SMYD3: variants seen among roughly 807,000 people sequenced by gnomAD.
The protein encoded by SMYD3 is SET and MYND domain containing 3.
A neutral mutation model predicts 57.7 loss-of-function variants in SMYD3; 36 were observed. The observed-to-expected ratio is 0.62, with a 90% CI of 0.48 to 0.82. The LOEUF (loss-of-function observed/expected upper bound fraction) is 0.82, where lower values mean the gene tolerates loss of function less well. Ranked by LOEUF, SMYD3 falls within the 40% of genes least tolerant of loss-of-function variation. The pLI, the probability that SMYD3 is intolerant of heterozygous loss-of-function variation, is 0.00. For synonymous variants in SMYD3, 211 were observed against 195.0 expected (o/e 1.08, Z -0.68); for missense variants, 515 against 538.8 (o/e 0.96, Z 0.44).
intron 1 of SMYD3, among the ~76,000 whole-genome samples, chr1:246,391,438 GAGA>G (rs2066570210): frequency 5.4e-5 from 8 of 148,616 alleles, no homozygotes; most frequent in Non-Finnish European, 1.0e-4. Flanking sequence ...GAGAGAGAGA[GAGA>G]AGGAGAGAGG....
chr1:245,950,634 T>A (rs74590252), intron 5 of SMYD3, among the ~76,000 whole-genome samples: 2 of 152,228 alleles, frequency 1.3e-5, no homozygotes, highest in African/African-American at 4.8e-5. Context: ...TCGGTCGTCA[T>A]AGAATATGCT....
chr1:246,474,538 A>G (rs1022195504), intron 1 of SMYD3, among the ~76,000 whole-genome samples: 58 of 151,748 alleles, frequency 3.8e-4, no homozygotes, highest in African/African-American at 1.1e-3. Flanking sequence ...AAAAAAAAAA[A>G]AAAGAAATGC....
chr1:246,271,248 T>C (rs1208243084), intron 5 of SMYD3, among the ~76,000 whole-genome samples: 2 of 152,216 alleles, frequency 1.3e-5, no homozygotes, highest in African/African-American at 2.4e-5. Flanking sequence ...ATACTCTGGG[T>C]TACCTTTTAA....
At chr1:246,367,334 T>G (rs2066122393) in intron 1 of SMYD3, among the ~76,000 whole-genome samples, 1 of 152,216 alleles carries the variant, frequency 6.6e-6, no homozygotes, top group Non-Finnish European at 1.5e-5. Flanking sequence ...AACTCCAAAA[T>G]TATTTGGTTT....
At chr1:245,847,611 G>A (rs2050731113) in intron 10 of SMYD3, among the ~76,000 whole-genome samples, 1 of 152,102 alleles carries the variant, frequency 6.6e-6, no homozygotes, top group Admixed American at 6.6e-5. Context: ...TCTTCCACGA[G>A]GTGAGAAAAA....
chr1:246,045,542 C>T (rs7532934), intron 5 of SMYD3, among the ~76,000 whole-genome samples: 71,228 of 151,552 alleles, frequency 0.47, 18,349 homozygotes, highest in East Asian at 0.8. Context: ...GAAGAAAACC[C>T]AGGCAATACC....
intron 8 of SMYD3, among the ~76,000 whole-genome samples, chr1:245,870,347 C>T (rs1459795740): frequency 6.6e-6 from 1 of 152,134 alleles, no homozygotes; most frequent in Non-Finnish European, 1.5e-5. Flanking sequence ...TGACACCCTC[C>T]CCCAGCACAG....
At chr1:246,284,238 T>C (rs2064509733) in intron 5 of SMYD3, among the ~76,000 whole-genome samples, 1 of 152,166 alleles carries the variant, frequency 6.6e-6, no homozygotes, top group African/African-American at 2.4e-5. Flanking sequence ...ATCTAGCATC[T>C]GGTAATGTGT....
chr1:246,469,982 A>G (rs1227209925), intron 1 of SMYD3, among the ~76,000 whole-genome samples: 1 of 152,218 alleles, frequency 6.6e-6, no homozygotes, highest in Non-Finnish European at 1.5e-5. Context: ...TCACACATAC[A>G]CTACATAAAT....
intron 5 of SMYD3, among the ~76,000 whole-genome samples, chr1:245,991,018 T>C (rs2058803000): frequency 6.6e-6 from 1 of 152,164 alleles, no homozygotes; most frequent in African/African-American, 2.4e-5. Context: ...TGAAGTCAAT[T>C]AGAAAAAAGA....
Position 246,203,438 on chromosome 1 carries a change from G to A in SMYD3, c.531+123763C>T, listed in dbSNP as rs2148370163. Among the ~76,000 whole-genome samples the A allele has an allele frequency of 6.6e-6, 1 of 152,304 alleles. No homozygotes were observed. The highest frequency in any genetic ancestry group is 1.9e-4 in the East Asian group (1 of 5,180). The stretch of plus-strand genomic sequence containing the variant: ...CTACAGACTGGTGGCTGAAACAACA[G>A]CAACTGATTCTCACAGTTCTGGAGT... On this transcript the variant is annotated intron_variant, in intron 5 of 11. Coordinates refer to ENST00000490107, the MANE Select transcript of SMYD3 (RefSeq NM_001167740.2). This position sits in a 1 kb window ranked among gnomAD's most constrained non-coding sequence, Gnocchi z 4.6.
chr1:245,907,826 A>G (rs1300028734), intron 8 of SMYD3, among the ~76,000 whole-genome samples: 1 of 152,186 alleles, frequency 6.6e-6, no homozygotes, highest in African/African-American at 2.4e-5. Context: ...AATCACTTCA[A>G]TTGTAAAGCC....
chr1:245,870,841 G>A (rs902286437), intron 8 of SMYD3, among the ~76,000 whole-genome samples: 3 of 142,726 alleles, frequency 2.1e-5, no homozygotes, highest in African/African-American at 5.1e-5. Context: ...TTAAACACAC[G>A]AATCCATCCA....
chr1:246,358,826 G>T (rs1255376711), intron 1 of SMYD3, among the ~76,000 whole-genome samples: 1 of 152,200 alleles, frequency 6.6e-6, no homozygotes, highest in African/African-American at 2.4e-5. Context: ...GTGCTAAGCA[G>T]AAAGTTCGGA....
chr1:246,255,050 G>T (rs1359950531), intron 5 of SMYD3, among the ~76,000 whole-genome samples: 1 of 152,098 alleles, frequency 6.6e-6, no homozygotes, highest in Non-Finnish European at 1.5e-5. Flanking sequence ...GACTTTACAG[G>T]TATATAATCA....
intron 5 of SMYD3, among the ~76,000 whole-genome samples, chr1:246,040,416 G>C (rs2059848497): frequency 1.3e-5 from 2 of 152,274 alleles, no homozygotes; most frequent in Middle Eastern, 3.4e-3. Flanking sequence ...GTGACCTTGG[G>C]CTCAGAATGG....
intron 5 of SMYD3, among the ~76,000 whole-genome samples, chr1:245,979,817 C>T (rs968982757): frequency 6.6e-6 from 1 of 152,184 alleles, no homozygotes; most frequent in Non-Finnish European, 1.5e-5. Context: ...TCTCTAATTC[C>T]AATGCTCACT....
At chr1:246,078,587 AG>A (rs1199365307) in intron 5 of SMYD3, among the ~76,000 whole-genome samples, 1 of 152,176 alleles carries the variant, frequency 6.6e-6, no homozygotes, top group African/African-American at 2.4e-5. Context: ...GGCAATGGAG[AG>A]TCGAAGAAGA....
At chr1:246,449,607 G>A (rs1162443209) in intron 1 of SMYD3, among the ~76,000 whole-genome samples, 1 of 152,126 alleles carries the variant, frequency 6.6e-6, no homozygotes, top group African/African-American at 2.4e-5. Flanking sequence ...CTTCTCCAGC[G>A]ATTACCTGAT....
Sources: allele counts gnomAD v4.1 joint callset (sites outside exome capture counted in the v4.1 genomes callset), GRCh38; gene constraint gnomAD v4.1.1; non-coding constraint Gnocchi (gnomAD v3.1); transcripts MANE v1.5; gene names NCBI Gene and HGNC (gene_info 2026-07-23, HGNC 2026-07-21).